Variants in MEGF11 observed in about 807,000 individuals in gnomAD.
MEGF11 encodes the protein multiple EGF like domains 11, also known as multiple epidermal growth factor-like domains protein 11.
Under a neutral mutation model 146.6 loss-of-function variants are expected in MEGF11, and 126 were observed. The observed-to-expected ratio is 0.86, with a 90% CI of 0.74 to 1.00. MEGF11 has a LOEUF of 1.00. Ranked by LOEUF, MEGF11 falls within the 50% of genes least tolerant of loss-of-function variation. The probability of loss-of-function intolerance (pLI) is 0.00; values close to 1 mark genes in which losing one functional copy is unlikely to be tolerated. For missense variants in MEGF11, 1,509 were observed against 1,521.2 expected (o/e 0.99, Z 0.13); for synonymous variants, 532 against 583.4 (o/e 0.91, Z 1.27).
At chr15:65,904,666 A>C (rs1198508392) in intron 24 of MEGF11, among the ~76,000 whole-genome samples, 1 of 152,200 alleles carries the variant, frequency 6.6e-6, no homozygotes, top group East Asian at 1.9e-4. Flanking sequence ...AACGGTAATC[A>C]GGGACATCTG....
rs1170086670 is a variant in MEGF11, at chr15:66,030,188, A to G, written c.395-47700T>C. Among the ~76,000 whole-genome samples the G allele has an allele frequency of 2.0e-5, 3 of 152,156 alleles. No homozygotes were observed. In the East Asian group the frequency reaches 5.8e-4, roughly 29 times the overall value. On this transcript the variant is annotated intron_variant, in intron 5 of 25. Transcript: ENST00000395614. ...CACAGGCCACACGTCTGCAACTCAT[A>G]TGCTATGTACCTGCCGCATGCAAAA...
intron 4 of MEGF11, among the ~76,000 whole-genome samples, chr15:66,117,214 T>C (rs998095047): frequency 3.3e-5 from 5 of 152,154 alleles, no homozygotes; most frequent in Non-Finnish European, 5.9e-5. Flanking sequence ...CCCAGACCCC[T>C]GTGATTCTGT....
chr15:66,112,347 G>A (rs1291757700), intron 4 of MEGF11, among the ~76,000 whole-genome samples: 1 of 152,072 alleles, frequency 6.6e-6, no homozygotes, highest in Non-Finnish European at 1.5e-5. Context: ...TCCTAGAAAT[G>A]AAAAAAGAAA....
chr15:65,907,632 C>T (rs1213148352), intron 23 of MEGF11, among the ~76,000 whole-genome samples: 1 of 152,222 alleles, frequency 6.6e-6, no homozygotes, highest in Non-Finnish European at 1.5e-5. Context: ...TTATAGGTAC[C>T]TGTGTCCTTC....
At chr15:66,045,113 A>G (rs998282046) in intron 5 of MEGF11, among the ~76,000 whole-genome samples, 5 of 152,232 alleles carry the variant, frequency 3.3e-5, no homozygotes, top group Non-Finnish European at 7.3e-5. Context: ...ACAAAAATGT[A>G]TATATCGCTC....
At chr15:65,983,516 T>C (rs2081737111) in intron 5 of MEGF11, among the ~76,000 whole-genome samples, 1 of 152,168 alleles carries the variant, frequency 6.6e-6, no homozygotes, top group Non-Finnish European at 1.5e-5. Flanking sequence ...ACACATAATG[T>C]TCTGGGAGAA....
chr15:65,965,571 CCTTT>C lies in MEGF11; in HGVS notation c.900-455_900-452del, dbSNP rs1185795809. 1.1e-3 allele frequency among the ~76,000 whole-genome samples: 72 copies of C among 66,590 alleles called. 1 individual carries two copies. Among genetic ancestry groups the C allele is most frequent in the African/African-American group, 1.4e-3 (24 of 17,760 alleles). The allele number at this position is 66,590 out of a possible 152,430, so 43.7% of individuals were successfully genotyped here. A position where few individuals can be genotyped will look rare whatever the true frequency, so the allele number is the denominator to read the frequency against. ...GGGGCTGGAGGGAGCCAGTGAGGTC[CCTTT>C]CTTTCTTTCTTTCTTTCTTTCTTTC... On this transcript the variant is annotated intron_variant, in intron 8 of 25. Coordinates refer to ENST00000395614, the MANE Select transcript of MEGF11 (RefSeq NM_001385028.1).
intron 17 of MEGF11, 113 bp from the exon 18 acceptor site, chr15:65,916,389 T>C: frequency 7.7e-7 from 1 of 1,303,948 alleles, no homozygotes; most frequent in Non-Finnish European, 1.0e-6. Flanking sequence ...GGATGAAGAC[T>C]AGTGAGACCC....
intron 13 of MEGF11, among the ~76,000 whole-genome samples, chr15:65,926,190 A>G (rs932714767): frequency 1.4e-4 from 21 of 152,368 alleles, no homozygotes; most frequent in African/African-American, 4.3e-4. Flanking sequence ...GCTTGAGTCA[A>G]TAAATGCTAG....
intron 1 of MEGF11, among the ~76,000 whole-genome samples, chr15:66,138,808 G>T (rs530744664): frequency 1.3e-5 from 2 of 152,302 alleles, no homozygotes; most frequent in African/African-American, 4.8e-5. Context: ...TTATGAGAAG[G>T]GCCTGTGAAC....
chr15:66,241,723 C>T (rs1276719427), intron 1 of MEGF11, among the ~76,000 whole-genome samples: 2 of 152,124 alleles, frequency 1.3e-5, no homozygotes, highest in African/African-American at 4.8e-5. Context: ...CCCTGCAATA[C>T]ACACACACAT....
chr15:65,898,471 A>C, intron 25 of MEGF11: 3 of 985,340 alleles, frequency 3.0e-6, no homozygotes, highest in Non-Finnish European at 3.6e-6. Flanking sequence ...GTGCACGTGC[A>C]TGTGCCCATT....
At chr15:66,212,162 G>C (rs142193143) in intron 1 of MEGF11, among the ~76,000 whole-genome samples, 1 of 152,050 alleles carries the variant, frequency 6.6e-6, no homozygotes, top group Non-Finnish European at 1.5e-5. Context: ...GCCCACACAA[G>C]AGCAAGCCTC....
chr15:66,127,429 C>A (rs2088410628), intron 2 of MEGF11, among the ~76,000 whole-genome samples: 1 of 152,220 alleles, frequency 6.6e-6, no homozygotes, highest in African/African-American at 2.4e-5. Flanking sequence ...GCTGAGGTGC[C>A]TTTCCCTGCC....
At chr15:65,992,450 T>TGTGTG (rs776847440) in intron 5 of MEGF11, among the ~76,000 whole-genome samples, 2,551 of 126,564 alleles carry the variant, frequency 0.02, 49 homozygotes, top group Non-Finnish European at 0.031. Flanking sequence ...TGTGTGTGTG[T>TGTGTG]GGGGGGGGGG....
chr15:66,142,023 G>A lies in MEGF11; in HGVS notation c.-8-13612C>T, dbSNP rs1243554745. On this transcript the variant is annotated intron_variant, in intron 1 of 25. Transcript: ENST00000395614. ...GATCTGAATAGGAAAGGTGAGCTTG[G>A]GGATCAAGAATTAAGCACATGATCC... Among the ~76,000 whole-genome samples, 5 of 152,206 alleles carry A rather than the reference G, an allele frequency of 3.3e-5. No homozygotes were observed. The East Asian group carries it at 7.7e-4, about 23-fold the overall frequency.
chr15:65,913,650 A>T, intron 20 of MEGF11, 87 bp downstream of exon 20: 1 of 1,221,162 alleles, frequency 8.2e-7, no homozygotes, highest in Non-Finnish European at 1.2e-6. Context: ...ACATTCAGCC[A>T]CAGCAGCCAA....
At chr15:66,119,978 T>C (rs1341847141) in intron 3 of MEGF11, among the ~76,000 whole-genome samples, 1 of 152,194 alleles carries the variant, frequency 6.6e-6, no homozygotes. Flanking sequence ...CTTTCTCTTT[T>C]AGAGCTTTTA....
At chr15:66,128,496 AG>A (rs1213519863) in intron 1 of MEGF11, 85 bp from the exon 2 acceptor site, 56 of 688,682 alleles carry the variant, frequency 8.1e-5, no homozygotes, top group Middle Eastern at 2.6e-4. Context: ...GTGGGTAATG[AG>A]CATTTGATAT....
Sources: allele counts gnomAD v4.1 joint callset (sites outside exome capture counted in the v4.1 genomes callset), GRCh38; gene constraint gnomAD v4.1.1; transcripts MANE v1.5; gene names NCBI Gene and HGNC (gene_info 2026-07-23, HGNC 2026-07-21).